Variants in PAPPA2 observed in about 807,000 individuals in gnomAD.
The protein encoded by PAPPA2 is pappalysin 2.
In PAPPA2, 86 loss-of-function variants were observed where a neutral mutation model predicts 176.4. The observed-to-expected ratio is 0.49, with a 90% CI of 0.41 to 0.58. The LOEUF is 0.58. Ranked by LOEUF, PAPPA2 falls within the 20% of genes least tolerant of loss-of-function variation. PAPPA2 has a pLI of 0.00. For synonymous variants in PAPPA2, 809 were observed against 852.2 expected (o/e 0.95, Z 0.88); for missense variants, 2,073 against 2,256.9 (o/e 0.92, Z 1.65).
intron 19 of PAPPA2, among the ~76,000 whole-genome samples, chr1:176,791,833 C>T (rs1436164045): frequency 1.3e-5 from 2 of 152,212 alleles, no homozygotes; most frequent in East Asian, 1.9e-4. Flanking sequence ...TGAGCCACTG[C>T]ACCCAGCCCG....
chr1:176,645,957 G>A (rs1452700432), intron 3 of PAPPA2, among the ~76,000 whole-genome samples: 1 of 151,474 alleles, frequency 6.6e-6, no homozygotes, highest in Non-Finnish European at 1.5e-5. Flanking sequence ...TTTTACTATT[G>A]AGGTTTTTTA....
intron 12 of PAPPA2, 46 bp from the exon 13 acceptor site, chr1:176,739,580 A>G (rs754189121): frequency 6.3e-7 from 1 of 1,574,900 alleles, no homozygotes; most frequent in East Asian, 2.2e-5. Flanking sequence ...ATGTCTTGAT[A>G]GCTCAATGGA....
At chr1:176,718,708 TAA>T (rs536900960) in intron 12 of PAPPA2, among the ~76,000 whole-genome samples, 20 of 145,744 alleles carry the variant, frequency 1.4e-4, no homozygotes, top group Middle Eastern at 7.1e-3. Context: ...CTTTTTTTTT[TAA>T]AAAAAAAAAA....
At chr1:176,837,705 T>A (rs1445230755) in intron 21 of PAPPA2, among the ~76,000 whole-genome samples, 1 of 152,106 alleles carries the variant, frequency 6.6e-6, no homozygotes, top group East Asian at 1.9e-4. Flanking sequence ...CCAAGCCCAG[T>A]ACCTTTTCTT....
At chr1:176,735,010 T>C (rs1412103138) in intron 12 of PAPPA2, among the ~76,000 whole-genome samples, 1 of 152,142 alleles carries the variant, frequency 6.6e-6, no homozygotes, top group Non-Finnish European at 1.5e-5. Context: ...ATTGGTTCAG[T>C]CAACATAATA....
Position 176,675,278 on chromosome 1 carries a change from A to C in PAPPA2, c.2137+4163A>C, listed in dbSNP as rs151235311. Among the ~76,000 whole-genome samples, 7 of 152,262 alleles carry C rather than the reference A, an allele frequency of 4.6e-5. No homozygotes were observed. The East Asian group carries it at 1.4e-3, about 29-fold the overall frequency. On this transcript the variant is annotated intron_variant, in intron 4 of 22. Transcript: ENST00000367662. ...TGTTCATGCACAGTGTCTAGCAATC[A>C]ATAAAGAAATATCAACTATTTCAGG...
At chr1:176,532,923 C>A (rs1403611167) in intron 1 of PAPPA2, among the ~76,000 whole-genome samples, 1 of 152,192 alleles carries the variant, frequency 6.6e-6, no homozygotes, top group African/African-American at 2.4e-5. Flanking sequence ...GCTTCCAGCC[C>A]CCCTGCTCAC....
chr1:176,473,934 A>C lies in PAPPA2; in HGVS notation c.-917+10516A>C, dbSNP rs145256353. On this transcript the variant is annotated intron_variant, in intron 1 of 22. Transcript: ENST00000367662. ...ATACTTAGGATCAGAGTGGTAAGTA[A>C]GTGAAACATCCAGTGAGCCTAAGCT... Among the ~76,000 whole-genome samples, 130 of 152,318 alleles carry C rather than the reference A, an allele frequency of 8.5e-4. 1 individual carries two copies. Among genetic ancestry groups the C allele is most frequent in the Middle Eastern group, 3.4e-3 (1 of 294 alleles).
At chr1:176,713,484 TTAA>T (rs1661233696) in intron 12 of PAPPA2, among the ~76,000 whole-genome samples, 1 of 152,214 alleles carries the variant, frequency 6.6e-6, no homozygotes, top group South Asian at 2.1e-4. Context: ...TTGTATTCAC[TTAA>T]TAATTTTGCC....
At chr1:176,628,688 T>C (rs1234780097) in intron 3 of PAPPA2, among the ~76,000 whole-genome samples, 1 of 152,190 alleles carries the variant, frequency 6.6e-6, no homozygotes, top group East Asian at 1.9e-4. Context: ...GTAGATATGA[T>C]GAACTGTGTG....
Position 176,695,685 on chromosome 1 carries a change from A to G in PAPPA2, c.2625-53A>G. The G allele has an allele frequency of 8.1e-6, 13 of 1,598,148 alleles. No individual in the cohort carries two copies. The South Asian group carries it at 1.4e-4, about 18-fold the overall frequency. ...AGGTCTTTCTAATTTTCTTATCCCA[A>G]CTCATCTGATGGACTCTCCTCATCT... On this transcript the variant is annotated intron_variant, in intron 6 of 22. Coordinates refer to ENST00000367662, the MANE Select transcript of PAPPA2 (RefSeq NM_020318.3).
chr1:176,733,418 C>T (rs536647383), intron 12 of PAPPA2, among the ~76,000 whole-genome samples: 20 of 152,192 alleles, frequency 1.3e-4, no homozygotes, highest in South Asian at 6.2e-4. Context: ...TAACTGAGTG[C>T]GCTGACAGAG....
Position 176,685,688 on chromosome 1 carries a change from C to T in PAPPA2, c.2138-4449C>T, listed in dbSNP as rs1333133388. On this transcript the variant is annotated intron_variant, in intron 4 of 22. Transcript: ENST00000367662. ...GTCCCTCCGGCCCCCTCCTCCCCAC[C>T]AGGGGAAGACTTAAATGCTGATGAT... Among the ~76,000 whole-genome samples the T allele has an allele frequency of 3.3e-5, 5 of 152,226 alleles. No homozygotes were observed. The South Asian group carries it at 1.0e-3, about 32-fold the overall frequency.
chr1:176,604,387 C>T (rs1654499321), intron 3 of PAPPA2, among the ~76,000 whole-genome samples: 1 of 152,158 alleles, frequency 6.6e-6, no homozygotes, highest in African/African-American at 2.4e-5. Context: ...ACACCTACAA[C>T]AGCAAAAGGA....
chr1:176,746,880 A>T (rs138297642), intron 14 of PAPPA2, among the ~76,000 whole-genome samples: 421 of 152,224 alleles, frequency 2.8e-3, no homozygotes, highest in Non-Finnish European at 3.8e-3. Context: ...CTCTCATTAT[A>T]TGTGTAGTGT....
At chr1:176,679,999 G>A (rs2102788603) in intron 4 of PAPPA2, among the ~76,000 whole-genome samples, 1 of 152,238 alleles carries the variant, frequency 6.6e-6, no homozygotes, top group Non-Finnish European at 1.5e-5. Flanking sequence ...GGCCCCTAGA[G>A]CTTTCTGACT....
chr1:176,674,551 G>A (rs948552095), intron 4 of PAPPA2, among the ~76,000 whole-genome samples: 3 of 151,996 alleles, frequency 2.0e-5, no homozygotes, highest in African/African-American at 7.2e-5. Flanking sequence ...TTAGAATAAT[G>A]TTCTCCAGCT....
chr1:176,770,255 A>T (rs566277731), intron 16 of PAPPA2, among the ~76,000 whole-genome samples: 29 of 152,138 alleles, frequency 1.9e-4, no homozygotes, highest in Non-Finnish European at 3.7e-4. Flanking sequence ...ATGACTCAGG[A>T]GGCTTGCTAT....
intron 14 of PAPPA2, among the ~76,000 whole-genome samples, chr1:176,764,324 T>C (rs1277395149): frequency 3.9e-5 from 6 of 152,058 alleles, no homozygotes; most frequent in Admixed American, 2.0e-4. Flanking sequence ...AACAAAAAAG[T>C]GGGGTGACAA....
Sources: allele counts gnomAD v4.1 joint callset (sites outside exome capture counted in the v4.1 genomes callset), GRCh38; gene constraint gnomAD v4.1.1; transcripts MANE v1.5; gene names NCBI Gene and HGNC (gene_info 2026-07-23, HGNC 2026-07-21).